The following AP1S2 variants were observed in gnomAD, a reference collection of about 807,000 sequenced individuals.
AP1S2 encodes AP-1 complex subunit sigma-2.
AP1S2 carries 1 observed loss-of-function variant against 14.3 expected under a neutral mutation model. That is an observed-to-expected ratio of 0.07 (90% confidence interval 0.02 to 0.33). The LOEUF (loss-of-function observed/expected upper bound fraction) is 0.33. AP1S2 is among the 10% of genes least tolerant of loss of function. The pLI, the probability that AP1S2 is intolerant of heterozygous loss-of-function variation, is 0.99. For missense variants in AP1S2, 30 were observed against 117.7 expected, an observed-to-expected ratio of 0.25 and a Z score of 3.45; for synonymous variants, 30 against 40.5, an observed-to-expected ratio of 0.74 and a Z score of 0.99.
rs947592292 is a variant in AP1S2, at chrX:15,852,011, G to A, written c.179+335C>T. Among the ~76,000 whole-genome samples the A allele has an allele frequency of 3.6e-5, 4 of 111,906 alleles. No individual in the cohort carries two copies. In the Admixed American group the frequency reaches 3.8e-4, roughly 11 times the overall value. Reference sequence around the variant, plus strand: ...CTATCTGTACTTGTCTCAATTCAGAGAATTACTCACACAATTTAAAATACT... The same window carrying A: ...CTATCTGTACTTGTCTCAATTCAGAAAATTACTCACACAATTTAAAATACT... On this transcript the variant is annotated intron_variant, in intron 2 of 5. Coordinates refer to ENST00000672987, the MANE Select transcript of AP1S2 (RefSeq NM_001272071.2).
At chrX:15,839,452 T>G (rs1344687208) in intron 4 of AP1S2, among the ~76,000 whole-genome samples, 2 of 110,685 alleles carry the variant, frequency 1.8e-5, no homozygotes, top group Non-Finnish European at 3.8e-5. Context: ...TATTCTTTCT[T>G]TTTTCTGTTT....
intron 4 of AP1S2, among the ~76,000 whole-genome samples, chrX:15,835,053 G>C (rs1032475372): frequency 9.0e-6 from 1 of 111,382 alleles, no homozygotes; most frequent in South Asian, 3.7e-4. Context: ...AAGCTATAAC[G>C]AACACTGATA....
chrX:15,852,715 T>TC, intron 1 of AP1S2, 191 bp from the exon 2 acceptor site: 1 of 349,960 alleles, frequency 2.9e-6, no homozygotes, highest in Non-Finnish European at 3.7e-6. Context: ...ATGCAAACCT[T>TC]CCAATCCCAC....
chrX:15,841,790 T>G (rs1396982938), intron 4 of AP1S2, among the ~76,000 whole-genome samples: 1 of 112,326 alleles, frequency 8.9e-6, no homozygotes, highest in African/African-American at 3.2e-5. Flanking sequence ...AATTTCTCAC[T>G]ATATGACTGA....
At chrX:15,834,055 A>T (rs1373509837) in intron 4 of AP1S2, among the ~76,000 whole-genome samples, 3 of 111,055 alleles carry the variant, frequency 2.7e-5, no homozygotes, top group African/African-American at 9.8e-5. Flanking sequence ...TAAACCATGT[A>T]TTGTCCTTAG....
At chrX:15,828,042 C>A (rs1933316076) in intron 5 of AP1S2, 150 bp downstream of exon 5, 1 of 367,170 alleles carries the variant, frequency 2.7e-6, no homozygotes, top group Non-Finnish European at 4.6e-6. Context: ...AATAATTTTC[C>A]AAAGTGGCTG....
chrX:15,836,437 T>C (rs908337909), intron 4 of AP1S2, among the ~76,000 whole-genome samples: 2 of 112,640 alleles, frequency 1.8e-5, no homozygotes, highest in African/African-American at 6.4e-5. Flanking sequence ...GTGCTGTTGA[T>C]CTATTTCTAT....
In AP1S2 at chrX:15,827,281, C is replaced by T. The variant is rs1290609498; in HGVS notation, c.*44G>A. The T allele has an allele frequency of 5.5e-6, 6 of 1,098,884 alleles. No individual in the cohort carries two copies. Among genetic ancestry groups the T allele is most frequent in the Non-Finnish European group, 7.6e-6 (6 of 794,125 alleles). 90.6% of individuals were successfully genotyped at this position (1,098,884 alleles called of 1,213,427 possible). A position where few individuals can be genotyped will look rare whatever the true frequency, so the allele number is the denominator to read the frequency against. On this transcript the variant is annotated 3_prime_UTR_variant, in exon 6 of 6. Transcript: ENST00000672987. Reference sequence around the variant, plus strand: ...TGGACATGAAGGGAGTGACCATCTACAGTGTGTGAAATGCCACAAGAAGTC... The same window carrying T: ...TGGACATGAAGGGAGTGACCATCTATAGTGTGTGAAATGCCACAAGAAGTC...
In AP1S2 at chrX:15,827,426, T is replaced by C; in HGVS notation, c.436-54A>G. ...AAGCAGATCCAGGGAGTCTTGAGAA[T>C]GTGAAACATTGACATGGAAGAACAT... On this transcript the variant is annotated intron_variant, in intron 5 of 5. Transcript: ENST00000672987. The C allele has an allele frequency of 6.0e-6, 6 of 1,005,473 alleles. No individual in the cohort carries two copies. In the East Asian group the frequency reaches 1.5e-4, roughly 25 times the overall value. The allele number at this position is 1,005,473 out of a possible 1,213,427, so 82.9% of individuals were successfully genotyped here. A position where few individuals can be genotyped will look rare whatever the true frequency, so the allele number is the denominator to read the frequency against.
intron 4 of AP1S2, among the ~76,000 whole-genome samples, chrX:15,837,113 C>T (rs989403304): frequency 9.0e-6 from 1 of 111,074 alleles, no homozygotes; most frequent in Non-Finnish European, 1.9e-5. Flanking sequence ...TGTTTTAGGA[C>T]ATGCTGTATT....
chrX:15,828,731 A>C (rs1933337494), intron 4 of AP1S2, among the ~76,000 whole-genome samples: 1 of 108,874 alleles, frequency 9.2e-6, no homozygotes, highest in South Asian at 4.0e-4. Flanking sequence ...GGCCAAATCC[A>C]TAAGGTAGGA....
At chrX:15,832,241 C>CA in intron 4 of AP1S2, 2 of 711,821 alleles carry the variant, frequency 2.8e-6, no homozygotes, top group Non-Finnish European at 3.3e-6. Flanking sequence ...CCTGGGGTGA[C>CA]AGCCCATCAT....
At chrX:15,834,455 TATATATATATATATATATATATATAA>T (rs1933543610) in intron 4 of AP1S2, among the ~76,000 whole-genome samples, 9 of 30,261 alleles carry the variant, frequency 3.0e-4, no homozygotes, top group African/African-American at 6.8e-4. Context: ...TATATATATA[TATATATATATATATATATATATATAA>T]TTTTTTTTTT....
At chrX:15,845,778 T>C (rs1933981797) in intron 3 of AP1S2, 125 bp downstream of exon 3, 1 of 665,422 alleles carries the variant, frequency 1.5e-6, no homozygotes, top group Non-Finnish European at 2.4e-6. Flanking sequence ...TTTCTACTAA[T>C]AAATAGTCAT....
intron 4 of AP1S2, among the ~76,000 whole-genome samples, chrX:15,843,559 C>G (rs1490764109): frequency 9.0e-6 from 1 of 111,521 alleles, no homozygotes; most frequent in Admixed American, 9.5e-5. Context: ...CCATCTCAAA[C>G]AAACAAACAA....
chrX:15,829,081 G>A (rs1056654031), intron 4 of AP1S2, among the ~76,000 whole-genome samples: 3 of 111,117 alleles, frequency 2.7e-5, no homozygotes, highest in Admixed American at 9.6e-5. Context: ...TGCGGGGAGT[G>A]GTTGGGGAAA....
intron 4 of AP1S2, among the ~76,000 whole-genome samples, chrX:15,828,595 T>C (rs1933332901): frequency 9.0e-6 from 1 of 111,410 alleles, no homozygotes; most frequent in African/African-American, 3.3e-5. Context: ...AAGGTATTTT[T>C]TTAAAAAGAG....
At chrX:15,849,409 C>T (rs1414105648) in intron 2 of AP1S2, among the ~76,000 whole-genome samples, 1 of 112,596 alleles carries the variant, frequency 8.9e-6, no homozygotes, top group East Asian at 2.8e-4. Flanking sequence ...AAACAAACCA[C>T]CTGTTTATAC....
intron 1 of AP1S2, among the ~76,000 whole-genome samples, chrX:15,853,232 TTAAA>T (rs1473506296): frequency 8.9e-6 from 1 of 112,677 alleles, no homozygotes; most frequent in African/African-American, 3.2e-5. Context: ...TTTACACTTA[TTAAA>T]TAAGATTCAG....
Sources: allele counts gnomAD v4.1 joint callset (sites outside exome capture counted in the v4.1 genomes callset), GRCh38; gene constraint gnomAD v4.1.1; transcripts MANE v1.5; gene names NCBI Gene and HGNC (gene_info 2026-07-23, HGNC 2026-07-21).